Variants in JMY observed in about 807,000 individuals in gnomAD.
JMY encodes the protein junction-mediating and -regulatory protein.
JMY carries 46 observed loss-of-function variants against 103.3 expected under a neutral mutation model. That is an observed-to-expected ratio of 0.45 (90% confidence interval 0.35 to 0.57). The LOEUF is 0.57. Ranked by LOEUF, JMY falls within the 20% of genes least tolerant of loss-of-function variation. The probability of loss-of-function intolerance (pLI) is 0.00; values close to 1 mark genes in which losing one functional copy is unlikely to be tolerated. For missense variants in JMY, 1,238 were observed against 1,255.2 expected, an observed-to-expected ratio of 0.99 and a Z score of 0.21; for synonymous variants, 526 against 489.3, an observed-to-expected ratio of 1.07 and a Z score of -0.99.
intron 6 of JMY, 26 bp from the exon 7 acceptor site, chr5:79,306,349 T>C (rs1746880652): frequency 6.5e-7 from 1 of 1,536,140 alleles, no homozygotes; most frequent in Middle Eastern, 1.7e-4. Context: ...TTCACTTGTA[T>C]TAAAACACAT....
chr5:79,238,762 C>T (rs772983589), intron 1 of JMY, among the ~76,000 whole-genome samples: 1 of 151,018 alleles, frequency 6.6e-6, no homozygotes, highest in Non-Finnish European at 1.5e-5. Flanking sequence ...ATTCTCCTGC[C>T]TCAGACTCCT....
Position 79,300,223 on chromosome 5 carries a change from T to G in JMY, c.1598T>G (p.Leu533Arg). ...CAGTTAGAAGCTGATTATTATGATC[T>G]GCAACTTCAGTTGTATGAAGTACAG... The part of the protein sequence containing the change: ...LDQLEADYYD[L>R]QLQLYEVQFE... Residue 533 changes from leucine (L) to arginine (R), a missense_variant, in exon 5 of 11, where the codon CTG becomes CGG. Physicochemically the swap from Leu to Arg is moderately radical, Grantham distance 102. Transcript: ENST00000396137. 1 of 1,607,598 alleles carries G rather than the reference T, an allele frequency of 6.2e-7. No homozygotes were observed. The highest frequency in any genetic ancestry group is 8.5e-7 in the Non-Finnish European group (1 of 1,176,836).
chr5:79,284,487 G>T, intron 2 of JMY: 1 of 1,586,952 alleles, frequency 6.3e-7, no homozygotes, highest in Non-Finnish European at 8.6e-7. Context: ...TGATTGTTGC[G>T]TTTTTTAGTA....
chr5:79,268,927 C>CT (rs939738166), intron 1 of JMY, among the ~76,000 whole-genome samples: 1 of 152,108 alleles, frequency 6.6e-6, no homozygotes, highest in Non-Finnish European at 1.5e-5. Context: ...TCAGATATGT[C>CT]TTTTGCAAAT....
At chr5:79,306,112 G>A (rs1222321881) in intron 6 of JMY, among the ~76,000 whole-genome samples, 1 of 152,148 alleles carries the variant, frequency 6.6e-6, no homozygotes, top group Non-Finnish European at 1.5e-5. Flanking sequence ...ACCCCCTTCA[G>A]TCCACCTTGC....
At chr5:79,299,457 T>C (rs997065559) in intron 4 of JMY, among the ~76,000 whole-genome samples, 2 of 152,090 alleles carry the variant, frequency 1.3e-5, no homozygotes, top group Non-Finnish European at 2.9e-5. Context: ...GGCAAAAATT[T>C]TCCCACTCCA....
Position 79,289,253 on chromosome 5 carries a change from A to G in JMY, c.1207-868A>G, listed in dbSNP as rs950090648. ...CCGTCTCAAAAAAAAAAAAAAAAAA[A>G]GGAGAATATGGGTTGTATTATTTCT... On this transcript the variant is annotated intron_variant, in intron 2 of 10. Coordinates refer to ENST00000396137, the MANE Select transcript of JMY (RefSeq NM_152405.5). 2.3e-4 allele frequency among the ~76,000 whole-genome samples: 35 copies of G among 150,724 alleles called. 1 individual carries two copies. Among genetic ancestry groups the G allele is most frequent in the African/African-American group, 7.8e-4 (32 of 40,920 alleles).
intron 2 of JMY, among the ~76,000 whole-genome samples, chr5:79,282,718 A>G (rs1246769952): frequency 6.6e-6 from 1 of 152,148 alleles, no homozygotes; most frequent in East Asian, 1.9e-4. Flanking sequence ...TAACCAGGTA[A>G]TGTGGTATTG....
intron 1 of JMY, among the ~76,000 whole-genome samples, chr5:79,238,800 A>G (rs1744644109): frequency 6.6e-6 from 1 of 151,858 alleles, no homozygotes; most frequent in Non-Finnish European, 1.5e-5. Flanking sequence ...GGTGCGCGCC[A>G]CCACGCCCGG....
At chr5:79,279,655 G>C (rs768651284) in intron 2 of JMY, among the ~76,000 whole-genome samples, 27 of 152,140 alleles carry the variant, frequency 1.8e-4, no homozygotes, top group Non-Finnish European at 3.7e-4. Context: ...TATCAGGGTG[G>C]AGAGTAGGAC....
intron 1 of JMY, among the ~76,000 whole-genome samples, chr5:79,264,657 A>G (rs944329371): frequency 2.0e-5 from 3 of 152,212 alleles, no homozygotes; most frequent in Admixed American, 6.5e-5. Flanking sequence ...CACTGGAGAT[A>G]AGACCCTGGC....
intron 1 of JMY, among the ~76,000 whole-genome samples, chr5:79,254,908 A>T (rs1745194208): frequency 6.6e-6 from 1 of 150,892 alleles, no homozygotes; most frequent in Non-Finnish European, 1.5e-5. Flanking sequence ...CTGCTTGATC[A>T]GTTCTGTCAT....
Position 79,310,057 on chromosome 5 carries a change from CTTTTTTTTTTT to C in JMY, c.1969-2330_1969-2320del, listed in dbSNP as rs55994052. On this transcript the variant is annotated intron_variant, in intron 7 of 10. Transcript: ENST00000396137. ...TAGTAAATCGATTATCTTTCTTTTC[CTTTTTTTTTTT>C]TTTTTTTTTTTTTTTGAGATGGAGT... is the stretch of plus-strand genomic sequence containing the variant. 6.1e-3 allele frequency among the ~76,000 whole-genome samples: 452 copies of C among 73,682 alleles called. 2 individuals are homozygous for C. The highest frequency in any genetic ancestry group is 8.9e-3 in the Non-Finnish European group (379 of 42,628). 48.3% of individuals were successfully genotyped at this position (73,682 alleles called of 152,430 possible).
chr5:79,267,352 G>GGCCCCATCTGTTGATTGGAGT (rs1745614066), intron 1 of JMY, among the ~76,000 whole-genome samples: 1 of 152,002 alleles, frequency 6.6e-6, no homozygotes, highest in East Asian at 1.9e-4. Flanking sequence ...AAATCCCCTG[G>GGCCCCATCTGTTGATTGGAGT]GCCCCATCTG....
intron 1 of JMY, among the ~76,000 whole-genome samples, chr5:79,272,112 TAAAA>T (rs758443549): frequency 7.4e-6 from 1 of 135,844 alleles, no homozygotes; most frequent in Non-Finnish European, 1.6e-5. Flanking sequence ...ATTCTGTCTT[TAAAA>T]AAAAAAAAAA....
intron 2 of JMY, among the ~76,000 whole-genome samples, chr5:79,279,995 C>T (rs557718969): frequency 9.9e-4 from 151 of 152,276 alleles, no homozygotes; most frequent in African/African-American, 3.4e-3. Flanking sequence ...GGGCGCATGC[C>T]ACCACGCCCA....
chr5:79,300,371 A>G (rs1017796914), intron 5 of JMY, 53 bp downstream of exon 5: 1 of 1,429,558 alleles, frequency 7.0e-7, no homozygotes, highest in Non-Finnish European at 9.3e-7. Context: ...TACATGAGAA[A>G]ATACTTATGG....
chr5:79,278,866 C>T (rs552352917), intron 2 of JMY, among the ~76,000 whole-genome samples: 154 of 149,898 alleles, frequency 1.0e-3, no homozygotes, highest in African/African-American at 3.5e-3. Context: ...TGGGCTCAAG[C>T]GATTTGCCCA....
At chr5:79,280,378 T>C (rs915034027) in intron 2 of JMY, among the ~76,000 whole-genome samples, 8 of 152,234 alleles carry the variant, frequency 5.3e-5, no homozygotes, top group Admixed American at 2.0e-4. Flanking sequence ...TGACCCTACT[T>C]GTCAGCCTAT....
Sources: allele counts gnomAD v4.1 joint callset (sites outside exome capture counted in the v4.1 genomes callset), GRCh38; gene constraint gnomAD v4.1.1; transcripts MANE v1.5; gene names NCBI Gene and HGNC (gene_info 2026-07-23, HGNC 2026-07-21).